The following CUX2 variants were observed in gnomAD, a reference collection of about 807,000 sequenced individuals.
The protein encoded by CUX2 is cut like homeobox 2.
Under a neutral mutation model 144.8 loss-of-function variants are expected in CUX2, and 40 were observed. The observed-to-expected ratio is 0.28, with a 90% CI of 0.21 to 0.36. The LOEUF (loss-of-function observed/expected upper bound fraction) is 0.36, where lower values mean the gene tolerates loss of function less well. Ranked by LOEUF, CUX2 falls within the 10% of genes least tolerant of loss-of-function variation. The pLI, the probability that CUX2 is intolerant of heterozygous loss-of-function variation, is 1.00. For synonymous variants in CUX2, 827 were observed against 875.6 expected (o/e 0.94, Z 0.98); for missense variants, 1,615 against 1,994.0 (o/e 0.81, Z 3.62).
At position 111,058,711 on chromosome 12, in the gene CUX2, C is replaced by T. The variant is rs143790123; in HGVS notation, c.63+24471C>T. Among the ~76,000 whole-genome samples the T allele has an allele frequency of 5.5e-3, 842 of 152,100 alleles. 11 individuals carry two copies. Among genetic ancestry groups the T allele is most frequent in the African/African-American group, 0.019 (795 of 41,472 alleles). The stretch of plus-strand genomic sequence containing the variant: ...TAGTGGTGTTACAGGAAGGGGGTCC[C>T]GAGCGAGACCCCAAGATCTCACGCA... On this transcript the variant is annotated intron_variant, in intron 1 of 21. Coordinates refer to ENST00000261726, the MANE Select transcript of CUX2 (RefSeq NM_015267.4).
At chr12:111,323,534 G>A (rs1014193533) in intron 18 of CUX2, among the ~76,000 whole-genome samples, 3 of 152,242 alleles carry the variant, frequency 2.0e-5, no homozygotes, top group Admixed American at 1.3e-4. Flanking sequence ...GCTCACGCCT[G>A]TAATCCCAGC....
intron 1 of CUX2, among the ~76,000 whole-genome samples, chr12:111,056,868 C>T (rs1027717658): frequency 2.0e-5 from 3 of 152,086 alleles, no homozygotes; most frequent in South Asian, 2.1e-4. Flanking sequence ...GGAGCCAGTG[C>T]GGCAGGAAGT....
At chr12:111,129,691 T>C (rs1467882473) in intron 1 of CUX2, among the ~76,000 whole-genome samples, 1 of 152,242 alleles carries the variant, frequency 6.6e-6, no homozygotes, top group African/African-American at 2.4e-5. Context: ...CGCTAATCTC[T>C]GCCAGCCCTC....
At chr12:111,194,396 G>C (rs1592825430) in intron 1 of CUX2, among the ~76,000 whole-genome samples, 2 of 152,364 alleles carry the variant, frequency 1.3e-5, no homozygotes, top group Admixed American at 6.5e-5. Context: ...CAACTCCCCA[G>C]TAAATCTGTT....
intron 1 of CUX2, among the ~76,000 whole-genome samples, chr12:111,132,007 C>G (rs1419411388): frequency 3.3e-5 from 5 of 152,230 alleles, no homozygotes; most frequent in South Asian, 2.1e-4. Context: ...GGAGCTCCCA[C>G]CCCGCATTTC....
Position 111,307,081 on chromosome 12 carries a change from G to A in CUX2, c.1019G>A (p.Arg340Gln), listed in dbSNP as rs372765675. 57 of 1,612,726 alleles carry A rather than the reference G, an allele frequency of 3.5e-5. No homozygotes were observed. Among genetic ancestry groups the A allele is most frequent in the East Asian group, 2.0e-4 (9 of 44,850 alleles). The change falls in exon 11 of 22, where the codon CGG becomes CAG. Residue 340 changes from arginine (R) to glutamine (Q), a missense_variant. Arg to Gln is a conservative substitution (Grantham distance 43). Around this residue, in one of 12 missense-constraint regions of CUX2, gnomAD observed 295 missense variants for 400.2 expected, o/e 0.74. Coordinates refer to ENST00000261726, the MANE Select transcript of CUX2 (RefSeq NM_015267.4). This position sits in a 1 kb window ranked among gnomAD's most constrained non-coding sequence, Gnocchi z 4.1. Reference sequence around the variant, plus strand: ...GCCAACCAGATCGCCGACCTGGAGCGGCAGCTCACGGCCAAGTCCGAGGCC... The same window carrying A: ...GCCAACCAGATCGCCGACCTGGAGCAGCAGCTCACGGCCAAGTCCGAGGCC... ...ASANQIADLE[R>Q]QLTAKSEAIE...
At chr12:111,201,894 C>CT (rs1880617628) in intron 1 of CUX2, among the ~76,000 whole-genome samples, 2 of 152,204 alleles carry the variant, frequency 1.3e-5, no homozygotes, top group African/African-American at 4.8e-5. Context: ...CCCAGCTCTG[C>CT]TTTTGCCTGA....
chr12:111,132,526 G>A (rs1228612012), intron 1 of CUX2, among the ~76,000 whole-genome samples: 1 of 144,264 alleles, frequency 6.9e-6, no homozygotes, highest in East Asian at 2.1e-4. Flanking sequence ...TCATCAGGCT[G>A]CAAATTTTCT....
intron 1 of CUX2, among the ~76,000 whole-genome samples, chr12:111,200,218 T>G (rs548652245): frequency 6.6e-6 from 1 of 152,212 alleles, no homozygotes; most frequent in Non-Finnish European, 1.5e-5. Context: ...ACCTGCCCTG[T>G]GTAGCTGTCC....
At chr12:111,275,012 T>C (rs1039740687) in intron 4 of CUX2, among the ~76,000 whole-genome samples, 1 of 151,674 alleles carries the variant, frequency 6.6e-6, no homozygotes, top group African/African-American at 2.4e-5. Flanking sequence ...TGGTGAAAGA[T>C]GGAATAGGCG....
intron 1 of CUX2, among the ~76,000 whole-genome samples, chr12:111,047,887 G>A (rs145795961): frequency 5.1e-4 from 77 of 152,326 alleles, no homozygotes; most frequent in Middle Eastern, 6.8e-3. Flanking sequence ...GGCCCACACT[G>A]GGTAGGTGAC....
intron 3 of CUX2, among the ~76,000 whole-genome samples, chr12:111,227,830 C>A (rs530517065): frequency 6.6e-6 from 1 of 152,236 alleles, no homozygotes; most frequent in Admixed American, 6.5e-5. Context: ...TATTTCGCAG[C>A]ATGTATTTGG....
chr12:111,069,558 G>A (rs566242359), intron 1 of CUX2, among the ~76,000 whole-genome samples: 13 of 151,572 alleles, frequency 8.6e-5, no homozygotes, highest in East Asian at 5.8e-4. Context: ...GTGTGCGCGC[G>A]CGTGTGTGTG....
intron 1 of CUX2, among the ~76,000 whole-genome samples, chr12:111,103,954 A>G (rs1022076433): frequency 8.5e-5 from 13 of 152,164 alleles, no homozygotes; most frequent in African/African-American, 3.1e-4. Flanking sequence ...GCTTTAGCAA[A>G]TGTCCTGGGA....
At chr12:111,098,257 G>A (rs1242207477) in intron 1 of CUX2, among the ~76,000 whole-genome samples, 2 of 152,154 alleles carry the variant, frequency 1.3e-5, no homozygotes, top group Non-Finnish European at 2.9e-5. Flanking sequence ...AAAATTAACC[G>A]GGTGTGGTGG....
At chr12:111,261,936 A>G (rs1240646394) in intron 3 of CUX2, among the ~76,000 whole-genome samples, 1 of 152,170 alleles carries the variant, frequency 6.6e-6, no homozygotes, top group African/African-American at 2.4e-5. Flanking sequence ...TTTAAATTTA[A>G]AAAAGACCTA....
At position 111,089,714 on chromosome 12, in the gene CUX2, A is replaced by G. The variant is rs141207983; in HGVS notation, c.63+55474A>G. Among the ~76,000 whole-genome samples the G allele has an allele frequency of 1.1e-3, 165 of 152,350 alleles. 2 individuals are homozygous for G. Among genetic ancestry groups the G allele is most frequent in the African/African-American group, 3.9e-3 (161 of 41,572 alleles). ...GAGGAAGTAGAGGGAAAGGCATTCC[A>G]GAGAGAGGGAACAGCAAGTACAAAG... is the stretch of plus-strand genomic sequence containing the variant. On this transcript the variant is annotated intron_variant, in intron 1 of 21. Transcript: ENST00000261726.
chr12:111,114,577 T>C (rs979372536), intron 1 of CUX2, among the ~76,000 whole-genome samples: 8 of 152,208 alleles, frequency 5.3e-5, no homozygotes, highest in African/African-American at 1.7e-4. Flanking sequence ...CAGGTAAAGA[T>C]GCTGCAGCCG....
intron 4 of CUX2, among the ~76,000 whole-genome samples, chr12:111,269,380 A>C (rs1884532914): frequency 6.6e-6 from 1 of 152,206 alleles, no homozygotes; most frequent in Non-Finnish European, 1.5e-5. Context: ...CCTTCCATGC[A>C]CATCTTGTGT....
Sources: allele counts gnomAD v4.1 joint callset (sites outside exome capture counted in the v4.1 genomes callset), GRCh38; gene constraint gnomAD v4.1.1; regional missense constraint gnomAD v4.1.1; non-coding constraint Gnocchi (gnomAD v3.1); transcripts MANE v1.5; gene names NCBI Gene and HGNC (gene_info 2026-07-23, HGNC 2026-07-21).